SLC12A8: variants seen among roughly 807,000 people sequenced by gnomAD.
The protein encoded by SLC12A8 is solute carrier family 12 member 8.
In SLC12A8, 69 loss-of-function variants were observed where a neutral mutation model predicts 75.6. The ratio of observed to expected loss-of-function variants is 0.91; its 90% confidence interval spans 0.75 to 1.11. SLC12A8 has a LOEUF of 1.11. SLC12A8 is among the 50% of genes most tolerant of loss of function. SLC12A8 has a pLI of 0.00. For missense variants in SLC12A8, 877 were observed against 896.7 expected (o/e 0.98, Z 0.28); for synonymous variants, 365 against 372.8 (o/e 0.98, Z 0.24).
At chr3:125,146,776 A>AC (rs1363490907) in intron 5 of SLC12A8, among the ~76,000 whole-genome samples, 1 of 152,240 alleles carries the variant, frequency 6.6e-6, no homozygotes, top group Non-Finnish European at 1.5e-5. Context: ...ACTAGCTGGG[A>AC]CTACAGGCTG....
In SLC12A8 at chr3:125,082,950, A is replaced by G. The variant is rs1938363490; in HGVS notation, c.*940T>C. 6.6e-6 allele frequency: 1 copy of G among 152,260 alleles called. No homozygotes were observed. 9.4% of individuals were successfully genotyped at this position (152,260 alleles called of 1,614,324 possible). Reference sequence around the variant, plus strand: ...CCAAGATAGATTGTTAAGGGAAAAAAGCAAGGTGCAGAACATGTGTATAAC... The same window carrying G: ...CCAAGATAGATTGTTAAGGGAAAAAGGCAAGGTGCAGAACATGTGTATAAC... On this transcript the variant is annotated 3_prime_UTR_variant, in exon 14 of 14. Transcript: ENST00000469902.
chr3:125,155,621 A>ATTAGCCGGGT, intron 5 of SLC12A8, among the ~76,000 whole-genome samples: 1 of 120,834 alleles, frequency 8.3e-6, no homozygotes, highest in East Asian at 2.5e-4. Flanking sequence ...AATACAAAAA[A>ATTAGCCGGGT]GTAGCTGTAG....
Position 125,116,881 on chromosome 3 carries a change from C to T in SLC12A8, c.912+1888G>A, listed in dbSNP as rs530019454. Reference sequence around the variant, plus strand: ...AGGCCTTCAATTCCTGTAATGCAGCCAAGCTTTTCATTCCACAACTAGAGA... The same window carrying T: ...AGGCCTTCAATTCCTGTAATGCAGCTAAGCTTTTCATTCCACAACTAGAGA... On this transcript the variant is annotated intron_variant, in intron 8 of 13. Coordinates refer to ENST00000469902, the MANE Select transcript of SLC12A8 (RefSeq NM_024628.6). 3.3e-5 allele frequency among the ~76,000 whole-genome samples: 5 copies of T among 152,302 alleles called. No individual in the cohort carries two copies. The East Asian group carries it at 9.6e-4, about 29-fold the overall frequency.
intron 5 of SLC12A8, among the ~76,000 whole-genome samples, chr3:125,146,485 T>A (rs1475972096): frequency 2.6e-5 from 4 of 152,116 alleles, no homozygotes; most frequent in African/African-American, 4.8e-5. Context: ...AAACAAACAA[T>A]CAAACAAAAC....
In SLC12A8 at chr3:125,135,678, C is replaced by T; in HGVS notation, c.727G>A (p.Ala243Thr). 6.3e-7 allele frequency: 1 copy of T among 1,599,304 alleles called. No individual in the cohort carries two copies. Among genetic ancestry groups the T allele is most frequent in the Non-Finnish European group, 8.5e-7 (1 of 1,171,842 alleles). Residue 243 changes from alanine to threonine, a missense_variant, in exon 6 of 14, where the codon GCG becomes ACG. Coordinates refer to ENST00000469902, the MANE Select transcript of SLC12A8 (RefSeq NM_024628.6). ...ACCCAGATTACAATACCTGTAGCCGCTGGGAAGAAAACCCCAAAGACAGTG... is the reference window on the plus strand; with the variant it reads ...ACCCAGATTACAATACCTGTAGCCGTTGGGAAGAAAACCCCAAAGACAGTG... Reference protein sequence around the residue: ...FFTVFGVFFPAATGVMAGFNM... With the variant: ...FFTVFGVFFPTATGVMAGFNM...
intron 4 of SLC12A8, among the ~76,000 whole-genome samples, chr3:125,182,693 G>A (rs1000124624): frequency 5.9e-5 from 9 of 152,030 alleles, no homozygotes; most frequent in African/African-American, 2.2e-4. Flanking sequence ...TTTTTAGTAG[G>A]GACAGGGTTT....
At chr3:125,153,380 A>C (rs1302939263) in intron 5 of SLC12A8, among the ~76,000 whole-genome samples, 4 of 152,036 alleles carry the variant, frequency 2.6e-5, no homozygotes, top group Non-Finnish European at 5.9e-5. Context: ...TGCCTATCAA[A>C]CTCTCTCAGC....
chr3:125,203,088 C>CAAAAAAAAAAAA (rs758212012), intron 2 of SLC12A8, among the ~76,000 whole-genome samples: 1 of 88,444 alleles, frequency 1.1e-5, no homozygotes, highest in Non-Finnish European at 2.0e-5. Context: ...GACTTCATCT[C>CAAAAAAAAAAAA]AAAAAAAAAA....
rs79790233 is a variant in SLC12A8, at chr3:125,165,730, T to C, written c.622+12013A>G. ...CCTTCCACGCAGTGTGTTCGTTCTT[T>C]GCACAAGTATTTCCTGAATACCTAT... On this transcript the variant is annotated intron_variant, in intron 5 of 13. Transcript: ENST00000469902. Among the ~76,000 whole-genome samples, 232 of 152,284 alleles carry C rather than the reference T, an allele frequency of 1.5e-3. 5 individuals are homozygous for C. The East Asian group carries it at 0.034, about 22-fold the overall frequency.
At chr3:125,085,413 A>C (rs866139058) in intron 13 of SLC12A8, among the ~76,000 whole-genome samples, 13 of 152,344 alleles carry the variant, frequency 8.5e-5, no homozygotes, top group Admixed American at 2.6e-4. Flanking sequence ...AATTGTAGGC[A>C]TAACAGAGGA....
intron 10 of SLC12A8, among the ~76,000 whole-genome samples, chr3:125,097,275 G>C (rs190532969): frequency 6.6e-6 from 1 of 152,056 alleles, no homozygotes; most frequent in East Asian, 1.9e-4. Context: ...TGTAATCCCA[G>C]CTACTTGGGA....
At chr3:125,208,212 G>T (rs372055961) in intron 2 of SLC12A8, among the ~76,000 whole-genome samples, 1 of 152,124 alleles carries the variant, frequency 6.6e-6, no homozygotes, top group African/African-American at 2.4e-5. Flanking sequence ...AACCACTCCA[G>T]ACTCACCCAG....
At chr3:125,090,722 T>A (rs1938561955) in intron 12 of SLC12A8, among the ~76,000 whole-genome samples, 1 of 152,256 alleles carries the variant, frequency 6.6e-6, no homozygotes, top group Non-Finnish European at 1.5e-5. Context: ...TTGCCTAATG[T>A]TAATATAGCT....
Position 125,100,127 on chromosome 3 carries a change from G to T in SLC12A8, c.1705+7354C>A, listed in dbSNP as rs559073817. The stretch of plus-strand genomic sequence containing the variant: ...CAGAGGGGGAAAGGTGGAAGCAAAG[G>T]AAAGAGAGTCTCAGAGGCCTAATGG... On this transcript the variant is annotated intron_variant, in intron 10 of 13. Transcript: ENST00000469902. Among the ~76,000 whole-genome samples the T allele has an allele frequency of 7.2e-5, 11 of 152,238 alleles. No homozygotes were observed. The South Asian group carries it at 2.1e-3, about 29-fold the overall frequency.
chr3:125,125,547 A>G (rs986851758), intron 6 of SLC12A8, among the ~76,000 whole-genome samples: 1 of 152,238 alleles, frequency 6.6e-6, no homozygotes, highest in Non-Finnish European at 1.5e-5. Flanking sequence ...TGACAGAGCA[A>G]GACTCCGTCT....
chr3:125,110,615 C>A, intron 8 of SLC12A8: 1 of 254,052 alleles, frequency 3.9e-6, no homozygotes, highest in Non-Finnish European at 7.5e-6. Flanking sequence ...CTGGGCCCCT[C>A]CTCAGAGTTC....
At chr3:125,207,897 A>T (rs952407378) in intron 2 of SLC12A8, among the ~76,000 whole-genome samples, 1 of 152,210 alleles carries the variant, frequency 6.6e-6, no homozygotes, top group African/African-American at 2.4e-5. Flanking sequence ...CATTTTACTT[A>T]GTGCTTGTCA....
intron 5 of SLC12A8, among the ~76,000 whole-genome samples, chr3:125,156,012 G>A (rs1247499222): frequency 1.3e-5 from 2 of 152,164 alleles, no homozygotes; most frequent in East Asian, 1.9e-4. Context: ...TGAGCCAGAC[G>A]TGATTTTCAC....
Position 125,083,872 on chromosome 3 carries a change from A to C in SLC12A8, c.*18T>G. ...GTACATGGGACAGCTCCAAAAGAGG[A>C]AGGTCCCAGCACTGCATCTAGTAGT... On this transcript the variant is annotated 3_prime_UTR_variant, in exon 14 of 14. Coordinates refer to ENST00000469902, the MANE Select transcript of SLC12A8 (RefSeq NM_024628.6). 1 of 1,606,784 alleles carries C rather than the reference A, an allele frequency of 6.2e-7. No individual in the cohort carries two copies. The highest frequency in any genetic ancestry group is 8.5e-7 in the Non-Finnish European group (1 of 1,176,684).
Sources: allele counts gnomAD v4.1 joint callset (sites outside exome capture counted in the v4.1 genomes callset), GRCh38; gene constraint gnomAD v4.1.1; transcripts MANE v1.5; gene names NCBI Gene and HGNC (gene_info 2026-07-23, HGNC 2026-07-21).